The following PARM1 variants were observed in gnomAD, a reference collection of about 807,000 sequenced individuals.
The protein encoded by PARM1 is prostate androgen-regulated mucin-like protein 1, also known as WSC4, cell wall integrity and stress response component 4 homolog.
A neutral mutation model predicts 24.6 loss-of-function variants in PARM1; 14 were observed. The observed-to-expected ratio is 0.57, with a 90% CI of 0.38 to 0.89. The LOEUF (loss-of-function observed/expected upper bound fraction) is 0.89. PARM1 is among the 40% of genes least tolerant of loss of function. PARM1 has a pLI of 0.00. For missense variants in PARM1, 362 were observed against 380.4 expected (o/e 0.95, Z 0.40); for synonymous variants, 179 against 156.6 (o/e 1.14, Z -1.07).
At chr4:75,009,068 T>C (rs949496392) in intron 1 of PARM1, among the ~76,000 whole-genome samples, 5 of 152,178 alleles carry the variant, frequency 3.3e-5, no homozygotes, top group African/African-American at 1.2e-4. Flanking sequence ...TTCAAAGATT[T>C]CTTGATCTGT....
chr4:74,936,936 CT>C (rs1023756638), intron 1 of PARM1, among the ~76,000 whole-genome samples: 1 of 152,258 alleles, frequency 6.6e-6, no homozygotes, highest in African/African-American at 2.4e-5. Context: ...CTGTTTGCCC[CT>C]GTCTCCTCTC....
chr4:75,047,471 C>T lies in PARM1; in HGVS notation c.*1224C>T, dbSNP rs1331356793. Reference sequence around the variant, plus strand: ...AATAAATTTTGAGAAAGAATTGTTCCTCTTTGTAGGTATCTGTGTATTGCA... The same window carrying T: ...AATAAATTTTGAGAAAGAATTGTTCTTCTTTGTAGGTATCTGTGTATTGCA... On this transcript the variant is annotated 3_prime_UTR_variant, in exon 4 of 4. Coordinates refer to ENST00000307428, the MANE Select transcript of PARM1 (RefSeq NM_015393.4). 6.6e-6 allele frequency: 1 copy of T among 152,158 alleles called. No homozygotes were observed. The highest frequency in any genetic ancestry group is 1.5e-5 in the Non-Finnish European group (1 of 68,020). 9.4% of individuals were successfully genotyped at this position (152,158 alleles called of 1,614,324 possible).
At chr4:75,023,913 T>C (rs1199151835) in intron 2 of PARM1, among the ~76,000 whole-genome samples, 2 of 152,188 alleles carry the variant, frequency 1.3e-5, no homozygotes, top group African/African-American at 4.8e-5. Flanking sequence ...TCCCACGTTT[T>C]TAACTCCAAA....
intron 3 of PARM1, among the ~76,000 whole-genome samples, chr4:75,042,366 T>C (rs1243978906): frequency 1.3e-5 from 2 of 152,208 alleles, no homozygotes; most frequent in East Asian, 3.8e-4. Context: ...TTTTAGTAAA[T>C]AAAATTGCTT....
intron 1 of PARM1, among the ~76,000 whole-genome samples, chr4:74,981,431 C>T (rs1456926425): frequency 6.6e-6 from 1 of 152,126 alleles, no homozygotes. Context: ...CAATGAGATA[C>T]AATCTCACGC....
chr4:74,993,114 G>T (rs1722510929), intron 1 of PARM1, among the ~76,000 whole-genome samples: 2 of 152,070 alleles, frequency 1.3e-5, no homozygotes, highest in Non-Finnish European at 2.9e-5. Flanking sequence ...TCAGTTCTGA[G>T]ATTAGGTTAT....
chr4:75,012,273 A>G lies in PARM1; in HGVS notation c.44-152A>G, dbSNP rs145273511. Reference sequence around the variant, plus strand: ...GAAATTGGTGGGAAGAAAGTCCATTAAAAGTTGCCTTCACAACTGGGGAGG... The same window carrying G: ...GAAATTGGTGGGAAGAAAGTCCATTGAAAGTTGCCTTCACAACTGGGGAGG... On this transcript the variant is annotated intron_variant, in intron 1 of 3. Transcript: ENST00000307428. 2.9e-3 allele frequency among the ~76,000 whole-genome samples: 442 copies of G among 152,342 alleles called. 1 individual carries two copies. Among genetic ancestry groups the G allele is most frequent in the African/African-American group, 0.01 (434 of 41,580 alleles).
chr4:74,966,705 G>A (rs1033254926), intron 1 of PARM1: 2 of 152,180 alleles, frequency 1.3e-5, no homozygotes, highest in East Asian at 3.9e-4. Flanking sequence ...GATACCATCT[G>A]GTTCGAATTT....
intron 1 of PARM1, among the ~76,000 whole-genome samples, chr4:74,981,950 C>T (rs1437953700): frequency 1.3e-5 from 2 of 149,910 alleles, no homozygotes; most frequent in Admixed American, 1.3e-4. Context: ...ACTGGATATA[C>T]ATTCAAAGGA....
intron 1 of PARM1, among the ~76,000 whole-genome samples, chr4:74,974,739 A>G (rs1253168887): frequency 6.6e-6 from 1 of 152,136 alleles, no homozygotes; most frequent in Non-Finnish European, 1.5e-5. Flanking sequence ...CTTCAATGTG[A>G]TGGTATTTGG....
intron 1 of PARM1, among the ~76,000 whole-genome samples, chr4:75,012,221 G>A (rs977460699): frequency 2.6e-5 from 4 of 152,114 alleles, no homozygotes; most frequent in African/African-American, 4.8e-5. Context: ...ACTGAGTTTC[G>A]GGCGAGTTCC....
chr4:74,998,324 G>A (rs1212512766), intron 1 of PARM1, among the ~76,000 whole-genome samples: 1 of 152,180 alleles, frequency 6.6e-6, no homozygotes. Context: ...AAAGCAAGCT[G>A]CCTCTTTCTG....
chr4:74,986,649 G>A (rs1722360607), intron 1 of PARM1, among the ~76,000 whole-genome samples: 1 of 152,210 alleles, frequency 6.6e-6, no homozygotes, highest in African/African-American at 2.4e-5. Flanking sequence ...CCAACACAAG[G>A]GGGTGGAAAT....
At chr4:75,003,967 G>A (rs1722727415) in intron 1 of PARM1, among the ~76,000 whole-genome samples, 1 of 152,250 alleles carries the variant, frequency 6.6e-6, no homozygotes, top group South Asian at 2.1e-4. Context: ...TGCCCCAGCT[G>A]ATAGGTGGTC....
intron 2 of PARM1, among the ~76,000 whole-genome samples, chr4:75,020,567 A>T (rs900754208): frequency 6.6e-6 from 1 of 150,934 alleles, no homozygotes; most frequent in African/African-American, 2.4e-5. Flanking sequence ...CACAAATCTG[A>T]TCAAGGCTCA....
At chr4:74,978,748 A>T (rs1282307217) in intron 1 of PARM1, among the ~76,000 whole-genome samples, 2 of 152,114 alleles carry the variant, frequency 1.3e-5, no homozygotes, top group Non-Finnish European at 2.9e-5. Context: ...AAGAACTGAC[A>T]TCATAACAGT....
At chr4:74,968,793 A>T (rs540170541) in intron 1 of PARM1, among the ~76,000 whole-genome samples, 45 of 152,362 alleles carry the variant, frequency 3.0e-4, no homozygotes, top group African/African-American at 1.0e-3. Flanking sequence ...AGCAAAATAC[A>T]TGATGAAACT....
intron 3 of PARM1, 62 bp downstream of exon 3, chr4:75,034,023 C>A: frequency 7.6e-7 from 1 of 1,310,914 alleles, no homozygotes; most frequent in Non-Finnish European, 1.1e-6. Flanking sequence ...GGGCTGAGCG[C>A]TGTTTTGCTG....
At chr4:75,036,272 T>G (rs767637294) in intron 3 of PARM1, among the ~76,000 whole-genome samples, 2 of 152,204 alleles carry the variant, frequency 1.3e-5, no homozygotes, top group Non-Finnish European at 2.9e-5. Flanking sequence ...CTCTTCACTT[T>G]GGCAAGAATT....
Sources: allele counts gnomAD v4.1 joint callset (sites outside exome capture counted in the v4.1 genomes callset), GRCh38; gene constraint gnomAD v4.1.1; transcripts MANE v1.5; gene names NCBI Gene and HGNC (gene_info 2026-07-23, HGNC 2026-07-21).